DTNBP1: variants seen among roughly 807,000 people sequenced by gnomAD.
DTNBP1 encodes dysbindin.
In DTNBP1, 35 loss-of-function variants were observed where a neutral mutation model predicts 42.8. The ratio of observed to expected loss-of-function variants is 0.82; its 90% CI spans 0.63 to 1.09. The LOEUF is 1.09. DTNBP1 is among the 50% of genes least tolerant of loss of function. DTNBP1 has a pLI of 0.00. For missense variants in DTNBP1, 457 were observed against 424.2 expected (o/e 1.08, Z -0.68); for synonymous variants, 171 against 162.2 (o/e 1.05, Z -0.41).
chr6:15,596,767 ACTGCCCATTTGATAG>A (rs1399860433), intron 6 of DTNBP1, among the ~76,000 whole-genome samples: 5 of 152,168 alleles, frequency 3.3e-5, no homozygotes, highest in Non-Finnish European at 2.9e-5. Flanking sequence ...CTCATATGCA[ACTGCCCATTTGATAG>A]CTTTATGCAA....
At chr6:15,646,377 C>G (rs571701919) in intron 3 of DTNBP1, among the ~76,000 whole-genome samples, 1 of 151,442 alleles carries the variant, frequency 6.6e-6, no homozygotes, top group Non-Finnish European at 1.5e-5. Context: ...ATAGATGACA[C>G]GAATGGAAAA....
intron 5 of DTNBP1, among the ~76,000 whole-genome samples, chr6:15,624,508 AAAAGTCC>A (rs1177777979): frequency 6.6e-6 from 1 of 152,228 alleles, no homozygotes; most frequent in African/African-American, 2.4e-5. Flanking sequence ...AAGCATCATC[AAAAGTCC>A]AAATTGCTCA....
At chr6:15,530,996 G>C (rs988731327) in intron 8 of DTNBP1, among the ~76,000 whole-genome samples, 3 of 152,152 alleles carry the variant, frequency 2.0e-5, no homozygotes, top group African/African-American at 7.2e-5. Flanking sequence ...AGGTAATTAA[G>C]TTAGATGAGG....
At chr6:15,653,647 A>G (rs1761134977) in intron 1 of DTNBP1, among the ~76,000 whole-genome samples, 1 of 152,236 alleles carries the variant, frequency 6.6e-6, no homozygotes, top group Admixed American at 6.5e-5. Flanking sequence ...TCTGTTACAG[A>G]TAACTGAGGT....
chr6:15,570,511 A>C (rs556115812), intron 7 of DTNBP1, among the ~76,000 whole-genome samples: 15 of 152,362 alleles, frequency 9.8e-5, no homozygotes, highest in African/African-American at 3.6e-4. Flanking sequence ...GCTGGAACTA[A>C]GCAAGTTTGA....
intron 7 of DTNBP1, among the ~76,000 whole-genome samples, chr6:15,572,908 T>G (rs1029641827): frequency 2.0e-5 from 3 of 152,154 alleles, no homozygotes; most frequent in African/African-American, 7.2e-5. Context: ...ATTTTTTAAT[T>G]ATTTGTAGAG....
chr6:15,637,202 C>T (rs1332749612), intron 4 of DTNBP1, among the ~76,000 whole-genome samples: 1 of 152,200 alleles, frequency 6.6e-6, no homozygotes, highest in South Asian at 2.1e-4. Context: ...GGAGAGTATT[C>T]GATTTTGGCT....
rs1024192679 is a variant in DTNBP1, at chr6:15,537,740, T to C, written c.512-4345A>G. ...TCCTTCCCACGCTCACACTCTCTCC[T>C]ACTGCCTTGTGAAGAAGGTGACTGC... On this transcript the variant is annotated intron_variant, in intron 7 of 9. Coordinates refer to ENST00000344537, the MANE Select transcript of DTNBP1 (RefSeq NM_032122.5). 2.6e-5 allele frequency among the ~76,000 whole-genome samples: 4 copies of C among 152,322 alleles called. No homozygotes were observed. In the East Asian group the frequency reaches 5.8e-4, roughly 22 times the overall value.
At chr6:15,564,932 T>C (rs1162883208) in intron 7 of DTNBP1, among the ~76,000 whole-genome samples, 4 of 152,176 alleles carry the variant, frequency 2.6e-5, no homozygotes, top group East Asian at 3.9e-4. Context: ...CTAGGCAATA[T>C]AGTGAGACAC....
chr6:15,621,949 A>G (rs1487907394), intron 5 of DTNBP1, among the ~76,000 whole-genome samples: 1 of 152,170 alleles, frequency 6.6e-6, no homozygotes, highest in Non-Finnish European at 1.5e-5. Flanking sequence ...CAGGACTCAC[A>G]TTCTGACTGA....
chr6:15,570,058 C>T (rs1208273611), intron 7 of DTNBP1, among the ~76,000 whole-genome samples: 2 of 151,956 alleles, frequency 1.3e-5, no homozygotes, highest in Admixed American at 1.3e-4. Context: ...TGTCTGTACA[C>T]ATGTTAAAAT....
At chr6:15,534,097 G>A (rs1773060965) in intron 7 of DTNBP1, among the ~76,000 whole-genome samples, 1 of 152,322 alleles carries the variant, frequency 6.6e-6, no homozygotes, top group East Asian at 1.9e-4. Context: ...GGCAAATGCT[G>A]TGTGCTTCCA....
intron 4 of DTNBP1, among the ~76,000 whole-genome samples, chr6:15,632,831 T>C (rs1044739890): frequency 3.3e-5 from 5 of 152,258 alleles, no homozygotes; most frequent in Non-Finnish European, 5.9e-5. Context: ...TATTTTGTTT[T>C]TTATACATTG....
chr6:15,650,655 T>G (rs1325764842), intron 3 of DTNBP1, among the ~76,000 whole-genome samples: 1 of 152,126 alleles, frequency 6.6e-6, no homozygotes. Flanking sequence ...TATCGGTCGT[T>G]TGCATATCTT....
chr6:15,559,320 G>C (rs1013918278), intron 7 of DTNBP1, among the ~76,000 whole-genome samples: 3 of 152,152 alleles, frequency 2.0e-5, no homozygotes, highest in African/African-American at 7.2e-5. Context: ...CAAATTGGAA[G>C]GGTAAAAAAG....
At chr6:15,544,010 C>G (rs1159384059) in intron 7 of DTNBP1, among the ~76,000 whole-genome samples, 1 of 152,148 alleles carries the variant, frequency 6.6e-6, no homozygotes, top group Admixed American at 6.6e-5. Flanking sequence ...AAGTAAATTG[C>G]CTTGCTGAGA....
chr6:15,654,892 A>C (rs1581441616), intron 1 of DTNBP1, among the ~76,000 whole-genome samples: 1 of 152,246 alleles, frequency 6.6e-6, no homozygotes, highest in Non-Finnish European at 1.5e-5. Flanking sequence ...TCAAAGAATT[A>C]GTGTTAATTT....
chr6:15,578,759 T>C (rs1775690828), intron 7 of DTNBP1, among the ~76,000 whole-genome samples: 1 of 152,206 alleles, frequency 6.6e-6, no homozygotes, highest in Admixed American at 6.5e-5. Context: ...GAAGGTATCA[T>C]TAAAAATATT....
At chr6:15,580,646 C>A (rs1775787449) in intron 7 of DTNBP1, among the ~76,000 whole-genome samples, 1 of 152,128 alleles carries the variant, frequency 6.6e-6, no homozygotes, top group Non-Finnish European at 1.5e-5. Context: ...TGTATATAAA[C>A]CTCAAAAATG....
Sources: allele counts gnomAD v4.1 joint callset (sites outside exome capture counted in the v4.1 genomes callset), GRCh38; gene constraint gnomAD v4.1.1; transcripts MANE v1.5; gene names NCBI Gene and HGNC (gene_info 2026-07-23, HGNC 2026-07-21).